Variants in PCDH9 observed in about 807,000 individuals in gnomAD.
PCDH9 encodes the protein protocadherin-9.
Under a neutral mutation model 70.6 loss-of-function variants are expected in PCDH9, and 24 were observed. The ratio of observed to expected loss-of-function variants is 0.34; its 90% CI spans 0.25 to 0.48. PCDH9 has a LOEUF of 0.48. Ranked by LOEUF, PCDH9 falls within the 20% of genes least tolerant of loss-of-function variation. PCDH9 has a pLI of 0.99. For synonymous variants in PCDH9, 562 were observed against 558.5 expected (o/e 1.01, Z -0.09); for missense variants, 1,281 against 1,503.6 (o/e 0.85, Z 2.45).
intron 2 of PCDH9, among the ~76,000 whole-genome samples, chr13:66,994,063 G>C (rs1206366269): frequency 6.6e-6 from 1 of 152,118 alleles, no homozygotes; most frequent in Non-Finnish European, 1.5e-5. Flanking sequence ...AAAATTGCGA[G>C]AAAAACTAGA....
intron 4 of PCDH9, among the ~76,000 whole-genome samples, chr13:66,360,962 T>C (rs775775701): frequency 6.6e-6 from 1 of 152,074 alleles, no homozygotes; most frequent in South Asian, 2.1e-4. Flanking sequence ...TGGAAAACCA[T>C]TGAGAACAGT....
chr13:66,820,243 G>A (rs542208106), intron 3 of PCDH9, among the ~76,000 whole-genome samples: 1 of 152,156 alleles, frequency 6.6e-6, no homozygotes, highest in East Asian at 1.9e-4. Context: ...ACTATGCACT[G>A]TATTAAATAC....
In PCDH9 at chr13:67,226,323, G is replaced by A; in HGVS notation, c.2118C>T (p.Asp706=). The part of the protein sequence containing the change: ...VVAEVFAVDV[D]TGMNAELKYT... Reference sequence around the variant, plus strand: ...ACTTTAGTTCAGCGTTCATTCCAGTGTCAACATCCACTGCAAAAACTTCTG... The same window carrying A: ...ACTTTAGTTCAGCGTTCATTCCAGTATCAACATCCACTGCAAAAACTTCTG... Residue 706 remains aspartate (D), a synonymous_variant, in exon 2 of 5, where the codon GAC becomes GAT. Transcript: ENST00000377865. The surrounding 1 kb of genome is among the most constrained non-coding windows in gnomAD (Gnocchi z 5.0). 1.9e-6 allele frequency: 3 copies of A among 1,614,096 alleles called. No individual in the cohort carries two copies. The highest frequency in any genetic ancestry group is 2.2e-5 in the South Asian group (2 of 91,090).
chr13:66,517,156 C>T (rs1282238005), intron 4 of PCDH9, among the ~76,000 whole-genome samples: 1 of 151,992 alleles, frequency 6.6e-6, no homozygotes, highest in African/African-American at 2.4e-5. Context: ...TATAAAGTTG[C>T]TTTTTCAAGT....
At chr13:66,507,749 T>C (rs886958174) in intron 4 of PCDH9, among the ~76,000 whole-genome samples, 1 of 152,026 alleles carries the variant, frequency 6.6e-6, no homozygotes, top group Non-Finnish European at 1.5e-5. Context: ...TGAGATGGTG[T>C]CTTGCTCTGG....
At chr13:67,200,841 A>G (rs1345478024) in intron 2 of PCDH9, among the ~76,000 whole-genome samples, 1 of 152,070 alleles carries the variant, frequency 6.6e-6, no homozygotes, top group Non-Finnish European at 1.5e-5. Flanking sequence ...TGAGCAATTC[A>G]TCACTTAGGA....
chr13:67,228,137 A>T lies in PCDH9; in HGVS notation c.304T>A (p.Ser102Thr), dbSNP rs768278012. Residue 102 changes from serine to threonine, a missense_variant, in exon 2 of 5, where the codon TCA becomes ACA. This residue lies in a region of PCDH9 where 798 missense variants were observed against 1,003.1 expected (regional missense o/e 0.80). Coordinates refer to ENST00000377865, the MANE Select transcript of PCDH9 (RefSeq NM_203487.3). ...IDREKLCAGASYAEENECFFE... is the reference protein window; with the variant it reads ...IDREKLCAGATYAEENECFFE... The stretch of plus-strand genomic sequence containing the variant: ...AAACACTCATTCTCCTCAGCATATG[A>T]GGCGCCAGCACAGAGTTTTTCTCTG... 6.2e-7 allele frequency: 1 copy of T among 1,614,148 alleles called. No individual in the cohort carries two copies. The highest frequency in any genetic ancestry group is 8.5e-7 in the Non-Finnish European group (1 of 1,179,988).
In PCDH9 at chr13:66,934,708, C is replaced by CTT. The variant is rs1158291293; in HGVS notation, c.3037-31105_3037-31104dup. On this transcript the variant is annotated intron_variant, in intron 2 of 4. Transcript: ENST00000377865. ...ATTGTATTCAATTTCCATGTGTTTG[C>CTT]TTTTTTTTTTTTTTTTTTTTTTTTT... 1.5e-4 allele frequency among the ~76,000 whole-genome samples: 7 copies of CTT among 47,332 alleles called. 1 individual carries two copies. The highest frequency in any genetic ancestry group is 3.7e-4 in the Admixed American group (1 of 2,672). 31.1% of individuals were successfully genotyped at this position (47,332 alleles called of 152,430 possible). A position where few individuals can be genotyped will look rare whatever the true frequency, so the allele number is the denominator to read the frequency against.
At chr13:66,579,172 T>G (rs1372067224) in intron 4 of PCDH9, among the ~76,000 whole-genome samples, 1 of 152,080 alleles carries the variant, frequency 6.6e-6, no homozygotes, top group East Asian at 1.9e-4. Context: ...GCATGCATAA[T>G]AAATAAGAAA....
chr13:66,733,825 A>G (rs935401814), intron 3 of PCDH9, among the ~76,000 whole-genome samples: 1 of 152,124 alleles, frequency 6.6e-6, no homozygotes, highest in Non-Finnish European at 1.5e-5. Flanking sequence ...ACTTTTTGTT[A>G]CTTTGCTAGT....
chr13:66,437,200 G>A (rs962365746), intron 4 of PCDH9, among the ~76,000 whole-genome samples: 1 of 151,796 alleles, frequency 6.6e-6, no homozygotes, highest in East Asian at 1.9e-4. Context: ...AAGGTCAGGA[G>A]ATCGAAACCA....
At chr13:66,349,964 T>A (rs187469314) in intron 4 of PCDH9, among the ~76,000 whole-genome samples, 1 of 152,166 alleles carries the variant, frequency 6.6e-6, no homozygotes. Flanking sequence ...CTCCACACTT[T>A]AAAAATTAAT....
intron 2 of PCDH9, among the ~76,000 whole-genome samples, chr13:67,113,624 TG>T (rs1313441186): frequency 2.0e-5 from 3 of 151,900 alleles, no homozygotes; most frequent in Admixed American, 1.3e-4. Flanking sequence ...CTCGGCTCAC[TG>T]CAAGCTCCGC....
intron 3 of PCDH9, among the ~76,000 whole-genome samples, chr13:66,797,755 T>C (rs563839078): frequency 2.0e-5 from 3 of 151,830 alleles, no homozygotes; most frequent in Admixed American, 1.3e-4. Context: ...CACATATTGC[T>C]TATTTTTTTA....
At chr13:67,019,757 G>A (rs1423419597) in intron 2 of PCDH9, among the ~76,000 whole-genome samples, 6 of 152,088 alleles carry the variant, frequency 3.9e-5, no homozygotes, top group African/African-American at 1.4e-4. Flanking sequence ...GGGATTACCA[G>A]GATGGCAGAA....
intron 3 of PCDH9, among the ~76,000 whole-genome samples, chr13:66,731,315 C>G (rs568954863): frequency 6.6e-6 from 1 of 152,072 alleles, no homozygotes; most frequent in Non-Finnish European, 1.5e-5. Context: ...GTGTCAAAGT[C>G]AGACATTTTG....
intron 3 of PCDH9, among the ~76,000 whole-genome samples, chr13:66,816,615 T>G (rs1287397421): frequency 4.6e-5 from 7 of 152,172 alleles, no homozygotes; most frequent in Admixed American, 2.0e-4. Context: ...ATTTCAAAAA[T>G]TAGGTGTAAT....
chr13:67,126,995 TC>T (rs1566441255), intron 2 of PCDH9, among the ~76,000 whole-genome samples: 2 of 152,186 alleles, frequency 1.3e-5, no homozygotes, highest in African/African-American at 2.4e-5. Context: ...AAATTTCTGT[TC>T]CCTTAAGTCA....
chr13:66,857,199 T>C (rs1363478913), intron 3 of PCDH9, among the ~76,000 whole-genome samples: 2 of 152,150 alleles, frequency 1.3e-5, no homozygotes, highest in Non-Finnish European at 2.9e-5. Context: ...ATGCTAACAA[T>C]ATTTGATAGC....
Sources: gnomAD v4.1 joint callset for allele counts (sites outside exome capture counted in the v4.1 genomes callset) on GRCh38, gnomAD v4.1.1 for gene constraint, gnomAD v4.1.1 regional missense constraint, Gnocchi (gnomAD v3.1) non-coding constraint, MANE v1.5 for transcripts, NCBI Gene and HGNC (gene_info 2026-07-23, HGNC 2026-07-21) for gene names.